Variants in SUSD5 observed in about 807,000 individuals in gnomAD.
The protein encoded by SUSD5 is sushi domain-containing protein 5.
Under a neutral mutation model 29.5 loss-of-function variants are expected in SUSD5, and 33 were observed. That is an observed-to-expected ratio of 1.12 (90% confidence interval 0.85 to 1.49). SUSD5 has a LOEUF of 1.49. SUSD5 is among the 40% of genes most tolerant of loss of function. SUSD5 has a pLI of 0.00. For missense variants in SUSD5, 776 were observed against 800.6 expected, an observed-to-expected ratio of 0.97 and a Z score of 0.37; for synonymous variants, 308 against 325.3, an observed-to-expected ratio of 0.95 and a Z score of 0.57.
chr3:33,168,607 T>C (rs987431385), intron 4 of SUSD5: 5 of 985,130 alleles, frequency 5.1e-6, no homozygotes, highest in Non-Finnish European at 6.0e-6. Flanking sequence ...AGGCAGCACA[T>C]AGCATGATGC....
At chr3:33,180,371 AT>A (rs933330732) in intron 3 of SUSD5, among the ~76,000 whole-genome samples, 15 of 114,412 alleles carry the variant, frequency 1.3e-4, no homozygotes, top group African/African-American at 2.8e-4. Context: ...TTAAAAAAAA[AT>A]TTTTTTGAGA....
intron 3 of SUSD5, among the ~76,000 whole-genome samples, chr3:33,185,316 G>T (rs1318219943): frequency 4.6e-5 from 7 of 152,180 alleles, no homozygotes; most frequent in African/African-American, 1.7e-4. Context: ...CTCTCTGTTT[G>T]CTGGAAGCAA....
At chr3:33,174,262 TCCACCCCTCA>T (rs2031496761) in intron 4 of SUSD5, among the ~76,000 whole-genome samples, 2 of 152,116 alleles carry the variant, frequency 1.3e-5, no homozygotes, top group Admixed American at 1.3e-4. Flanking sequence ...GTCTCCTCGC[TCCACCCCTCA>T]CCACCCCTGC....
intron 2 of SUSD5, among the ~76,000 whole-genome samples, chr3:33,212,487 C>G (rs1331422668): frequency 6.6e-6 from 1 of 152,218 alleles, no homozygotes; most frequent in Non-Finnish European, 1.5e-5. Context: ...GTCAGGCACT[C>G]AAATAGCCAC....
intron 3 of SUSD5, chr3:33,190,251 G>T: frequency 6.2e-6 from 1 of 162,232 alleles, no homozygotes; most frequent in South Asian, 1.7e-4. Context: ...CAGCTTTTTT[G>T]AGATAAGCTA....
At chr3:33,180,429 T>C (rs1018780169) in intron 3 of SUSD5, among the ~76,000 whole-genome samples, 1 of 152,222 alleles carries the variant, frequency 6.6e-6, no homozygotes, top group African/African-American at 2.4e-5. Context: ...GGCATGATCA[T>C]GGCTCACTGT....
intron 2 of SUSD5, among the ~76,000 whole-genome samples, chr3:33,213,379 G>T (rs544386347): frequency 7.3e-6 from 1 of 136,434 alleles, no homozygotes; most frequent in Non-Finnish European, 1.7e-5. Context: ...ACTCCAGCCT[G>T]GTGGACAGAG....
intron 4 of SUSD5, among the ~76,000 whole-genome samples, chr3:33,166,153 G>GA (rs1236436043): frequency 6.6e-5 from 10 of 152,100 alleles, no homozygotes; most frequent in Non-Finnish European, 1.2e-4. Context: ...ATTCCCACTA[G>GA]AAAAAATCCT....
At chr3:33,195,072 G>A (rs575379933) in intron 3 of SUSD5, among the ~76,000 whole-genome samples, 4 of 152,158 alleles carry the variant, frequency 2.6e-5, no homozygotes, top group Non-Finnish European at 5.9e-5. Context: ...GTGCACACCT[G>A]TAGTCCCAGC....
chr3:33,168,808 C>G (rs1324893298), intron 4 of SUSD5, among the ~76,000 whole-genome samples: 1 of 152,208 alleles, frequency 6.6e-6, no homozygotes, highest in Admixed American at 6.5e-5. Context: ...TGCCACCACA[C>G]CTGGCTAATT....
At chr3:33,196,737 A>G (rs1197685313) in intron 3 of SUSD5, among the ~76,000 whole-genome samples, 1 of 152,220 alleles carries the variant, frequency 6.6e-6, no homozygotes, top group African/African-American at 2.4e-5. Flanking sequence ...ATCCTGGTTA[A>G]TAATTACCAG....
intron 3 of SUSD5, among the ~76,000 whole-genome samples, chr3:33,205,448 T>C (rs930794097): frequency 6.6e-6 from 1 of 152,218 alleles, no homozygotes; most frequent in Non-Finnish European, 1.5e-5. Context: ...GGAAGGAATA[T>C]GCATAAAAAT....
chr3:33,152,065 C>T lies in SUSD5; in HGVS notation c.*677G>A, dbSNP rs1161964364. ...TGTCCTAGATAATACTGCTCTCATACACTTGGTTTATCATGACTATTTATA... is the reference window on the plus strand; with the variant it reads ...TGTCCTAGATAATACTGCTCTCATATACTTGGTTTATCATGACTATTTATA... On this transcript the variant is annotated 3_prime_UTR_variant, in exon 5 of 5. Coordinates refer to ENST00000309558, the MANE Select transcript of SUSD5 (RefSeq NM_015551.2). The T allele has an allele frequency of 1.3e-5, 2 of 152,204 alleles. No homozygotes were observed. Among genetic ancestry groups the T allele is most frequent in the African/African-American group, 4.8e-5 (2 of 41,428 alleles). 9.4% of individuals were successfully genotyped at this position (152,204 alleles called of 1,614,324 possible). A position where few individuals can be genotyped will look rare whatever the true frequency, so the allele number is the denominator to read the frequency against.
At chr3:33,195,711 C>T (rs1328465409) in intron 3 of SUSD5, among the ~76,000 whole-genome samples, 3 of 144,476 alleles carry the variant, frequency 2.1e-5, no homozygotes, top group African/African-American at 5.1e-5. Flanking sequence ...TATTCAATGT[C>T]ATGGGGAGAT....
At chr3:33,193,241 T>C (rs1305082168) in intron 3 of SUSD5, among the ~76,000 whole-genome samples, 4 of 152,120 alleles carry the variant, frequency 2.6e-5, no homozygotes, top group Non-Finnish European at 5.9e-5. Context: ...ATGATCCCCT[T>C]GGCGGTATAG....
chr3:33,153,254 T>C lies in SUSD5; in HGVS notation c.1378A>G (p.Ile460Val), dbSNP rs749866788. Residue 460 changes from isoleucine to valine, a missense_variant, in exon 5 of 5, where the codon ATT becomes GTT. By Grantham distance (29) the Ile-to-Val change is conservative. Transcript: ENST00000309558. ...TACTTCGTCAAGTCACCATCCCCAATGCCCTCAGTCTCGGAAGCATTCACG... is the reference window on the plus strand; with the variant it reads ...TACTTCGTCAAGTCACCATCCCCAACGCCCTCAGTCTCGGAAGCATTCACG... The part of the protein sequence containing the change: ...RPVNASETEG[I>V]GDGDLTKYQS... 1.2e-6 allele frequency: 2 copies of C among 1,613,926 alleles called. No homozygotes were observed. The highest frequency in any genetic ancestry group is 1.7e-6 in the Non-Finnish European group (2 of 1,179,862).
chr3:33,198,645 C>T (rs970861873), intron 3 of SUSD5, among the ~76,000 whole-genome samples: 4 of 152,196 alleles, frequency 2.6e-5, no homozygotes, highest in Non-Finnish European at 5.9e-5. Flanking sequence ...GCTCTTATCC[C>T]AATCTGTTCA....
At chr3:33,168,124 G>A (rs2031343377) in intron 4 of SUSD5, among the ~76,000 whole-genome samples, 1 of 152,200 alleles carries the variant, frequency 6.6e-6, no homozygotes, top group Non-Finnish European at 1.5e-5. Flanking sequence ...TTATCAGAGT[G>A]GGATGTGGCT....
rs1477546366 is a variant in SUSD5 at position 33,187,831 on chromosome 3, G to A, written c.410-12757C>T. On this transcript the variant is annotated intron_variant, in intron 3 of 4. Coordinates refer to ENST00000309558, the MANE Select transcript of SUSD5 (RefSeq NM_015551.2). ...CCCCCACCCCACAACAGGCCCCGGT[G>A]TGTGATGTTCCCCTTCCTGTGTCCA... Among the ~76,000 whole-genome samples the A allele has an allele frequency of 1.5e-4, 19 of 128,062 alleles. No individual in the cohort carries two copies. The South Asian group carries it at 2.5e-3, about 17-fold the overall frequency. 84.0% of individuals were successfully genotyped at this position (128,062 alleles called of 152,430 possible). A position where few individuals can be genotyped will look rare whatever the true frequency, so the allele number is the denominator to read the frequency against.
Sources: gnomAD v4.1 joint callset for allele counts (sites outside exome capture counted in the v4.1 genomes callset) on GRCh38, gnomAD v4.1.1 for gene constraint, MANE v1.5 for transcripts, NCBI Gene and HGNC (gene_info 2026-07-23, HGNC 2026-07-21) for gene names.